The following CCSER2 variants were observed in gnomAD, a reference collection of about 807,000 sequenced individuals.
CCSER2 encodes serine-rich coiled-coil domain-containing protein 2.
A neutral mutation model predicts 92.3 loss-of-function variants in CCSER2; 46 were observed. The observed-to-expected ratio is 0.50, with a 90% CI of 0.39 to 0.64. CCSER2 has a LOEUF of 0.64. Among genes scored for constraint, CCSER2 ranks in the 30% least tolerant of loss-of-function variants. CCSER2 has a pLI of 0.00. For missense variants in CCSER2, 1,244 were observed against 1,238.9 expected, an observed-to-expected ratio of 1.00 and a Z score of -0.06; for synonymous variants, 433 against 431.4, an observed-to-expected ratio of 1.00 and a Z score of -0.04.
chr10:84,387,748 T>TCG (rs1173607858), intron 3 of CCSER2, among the ~76,000 whole-genome samples: 1 of 152,152 alleles, frequency 6.6e-6, no homozygotes, highest in East Asian at 1.9e-4. Flanking sequence ...CAGGATGGTC[T>TCG]CGATCTCCTG....
At chr10:84,436,671 C>T (rs1042342072) in intron 5 of CCSER2, among the ~76,000 whole-genome samples, 3 of 150,266 alleles carry the variant, frequency 2.0e-5, no homozygotes, top group Middle Eastern at 3.5e-3. Context: ...CTAGTCACTG[C>T]GGGAGGCAGG....
At chr10:84,452,829 C>T (rs1000494576) in intron 6 of CCSER2, among the ~76,000 whole-genome samples, 4 of 151,964 alleles carry the variant, frequency 2.6e-5, no homozygotes, top group Non-Finnish European at 4.4e-5. Context: ...TGATCCCCGC[C>T]GCCCCCCTCC....
chr10:84,392,411 T>C (rs1277325062), intron 3 of CCSER2, among the ~76,000 whole-genome samples: 2 of 146,220 alleles, frequency 1.4e-5, no homozygotes, highest in Non-Finnish European at 3.0e-5. Context: ...ACAGGAACCA[T>C]ATAAATGATG....
At chr10:84,393,421 G>C (rs569447204) in intron 3 of CCSER2, among the ~76,000 whole-genome samples, 1 of 152,270 alleles carries the variant, frequency 6.6e-6, no homozygotes, top group African/African-American at 2.4e-5. Flanking sequence ...AATGATTGCT[G>C]TATTTCAGTG....
chr10:84,437,366 A>T (rs1378228045), intron 5 of CCSER2, among the ~76,000 whole-genome samples: 1 of 152,018 alleles, frequency 6.6e-6, no homozygotes, highest in Non-Finnish European at 1.5e-5. Context: ...AAAAATACAA[A>T]AATTAGGCAT....
At chr10:84,454,355 A>G (rs1268932819) in intron 6 of CCSER2, among the ~76,000 whole-genome samples, 1 of 152,154 alleles carries the variant, frequency 6.6e-6, no homozygotes, top group East Asian at 1.9e-4. Flanking sequence ...ATTACATCGT[A>G]AAGGCCTATT....
chr10:84,383,337 G>A (rs1055085797), intron 3 of CCSER2, among the ~76,000 whole-genome samples: 1 of 151,948 alleles, frequency 6.6e-6, no homozygotes, highest in Non-Finnish European at 1.5e-5. Context: ...TTGAGATGGC[G>A]TCTCCCTCTG....
At chr10:84,479,156 C>G (rs1043478440) in intron 9 of CCSER2, among the ~76,000 whole-genome samples, 2 of 152,150 alleles carry the variant, frequency 1.3e-5, no homozygotes, top group Non-Finnish European at 2.9e-5. Flanking sequence ...GTTAGTCTTC[C>G]TCCTCATCAG....
rs181469482 is a variant in CCSER2, at chr10:84,445,475, C to A, written c.2064+6768C>A. On this transcript the variant is annotated intron_variant, in intron 6 of 9. Transcript: ENST00000372088. ...GCCGGTATCTCTTTAAGTCTCTATA[C>A]CCTGTTTCAAAAACTTCTTAACAAA... 7.9e-4 allele frequency among the ~76,000 whole-genome samples: 121 copies of A among 152,236 alleles called. 1 individual carries two copies. Among genetic ancestry groups the A allele is most frequent in the Admixed American group, 7.2e-3 (110 of 15,298 alleles).
At chr10:84,490,470 C>T (rs1240669761) in intron 9 of CCSER2, among the ~76,000 whole-genome samples, 1 of 152,188 alleles carries the variant, frequency 6.6e-6, no homozygotes, top group Non-Finnish European at 1.5e-5. Context: ...AATTTCTGTT[C>T]TCGCTTCATT....
chr10:84,417,905 C>G, intron 4 of CCSER2, 44 bp downstream of exon 4: 1 of 947,856 alleles, frequency 1.1e-6, no homozygotes, highest in Non-Finnish European at 1.7e-6. Context: ...TATACTTGAG[C>G]TACTCGACTG....
In CCSER2 at chr10:84,371,500, G is replaced by T. The variant is rs188764931; in HGVS notation, c.448G>T (p.Gly150Cys). The T allele has an allele frequency of 9.3e-6, 15 of 1,613,712 alleles. No homozygotes were observed. The highest frequency in any genetic ancestry group is 1.2e-5 in the Non-Finnish European group (14 of 1,179,822). ...QKSFSGPSNL[G>C]KFTKGTLLGR... Reference sequence around the variant, plus strand: ...GTCTTTTTCTGGACCATCTAATTTGGGTAAATTCACCAAAGGCACATTATT... The same window carrying T: ...GTCTTTTTCTGGACCATCTAATTTGTGTAAATTCACCAAAGGCACATTATT... Residue 150 changes from glycine (G) to cysteine (C), a missense_variant, in exon 2 of 10, where the codon GGT becomes TGT. Gly to Cys is a radical substitution (Grantham distance 159). Coordinates refer to ENST00000372088, the MANE Select transcript of CCSER2 (RefSeq NM_001284240.2).
intron 6 of CCSER2, among the ~76,000 whole-genome samples, chr10:84,445,217 A>C (rs557057474): frequency 2.6e-5 from 4 of 151,994 alleles, no homozygotes; most frequent in Non-Finnish European, 4.4e-5. Flanking sequence ...GCAGTGGTGC[A>C]GTCTCGGCTC....
rs191676061 is a variant in CCSER2, at chr10:84,504,002, T to G, written c.2326-9447T>G. 1.7e-4 allele frequency among the ~76,000 whole-genome samples: 26 copies of G among 152,328 alleles called. No homozygotes were observed. The East Asian group carries it at 5.0e-3, about 29-fold the overall frequency. On this transcript the variant is annotated intron_variant, in intron 9 of 9. Coordinates refer to ENST00000372088, the MANE Select transcript of CCSER2 (RefSeq NM_001284240.2). ...TTTACATGACAGCCCAGTATACATT[T>G]ACTGAGAGAAAGTATGTATTTACAA... is the stretch of plus-strand genomic sequence containing the variant.
chr10:84,506,927 T>C (rs1003832549), intron 9 of CCSER2, among the ~76,000 whole-genome samples: 1 of 152,140 alleles, frequency 6.6e-6, no homozygotes, highest in East Asian at 1.9e-4. Context: ...ACTAAAACTT[T>C]TTAGGTATTT....
At chr10:84,437,914 G>A (rs1253149672) in intron 5 of CCSER2, among the ~76,000 whole-genome samples, 1 of 151,674 alleles carries the variant, frequency 6.6e-6, no homozygotes, top group Non-Finnish European at 1.5e-5. Flanking sequence ...AGGTTTCACC[G>A]AGAGTAGATT....
intron 6 of CCSER2, among the ~76,000 whole-genome samples, chr10:84,457,272 T>A (rs1401151459): frequency 1.4e-3 from 23 of 16,834 alleles, no homozygotes; most frequent in Middle Eastern, 0.038. Flanking sequence ...ATATTATATA[T>A]AATATATTAT....
At chr10:84,410,020 G>C (rs932442991) in intron 3 of CCSER2, among the ~76,000 whole-genome samples, 2 of 152,188 alleles carry the variant, frequency 1.3e-5, no homozygotes, top group Non-Finnish European at 1.5e-5. Flanking sequence ...GCGGTCTTTG[G>C]TTTTCTGTTC....
At chr10:84,506,837 T>TA (rs1226668119) in intron 9 of CCSER2, among the ~76,000 whole-genome samples, 4 of 123,720 alleles carry the variant, frequency 3.2e-5, no homozygotes, top group Non-Finnish European at 6.8e-5. Flanking sequence ...ATCTAACACT[T>TA]ATTTAATCTT....
Sources: allele counts gnomAD v4.1 joint callset (sites outside exome capture counted in the v4.1 genomes callset), GRCh38; gene constraint gnomAD v4.1.1; transcripts MANE v1.5; gene names NCBI Gene and HGNC (gene_info 2026-07-23, HGNC 2026-07-21).